Variants in SPOP observed in about 807,000 individuals in gnomAD.
The protein encoded by SPOP is speckle type BTB/POZ protein.
In SPOP, 11 loss-of-function variants were observed where a neutral mutation model predicts 45.6. The ratio of observed to expected loss-of-function variants is 0.24; its 90% CI spans 0.15 to 0.40. The LOEUF (loss-of-function observed/expected upper bound fraction) is 0.40, where lower values mean the gene tolerates loss of function less well. Ranked by LOEUF, SPOP falls within the 10% of genes least tolerant of loss-of-function variation. SPOP has a pLI of 1.00. For synonymous variants in SPOP, 166 were observed against 166.3 expected (o/e 1.00, Z 0.01); for missense variants, 152 against 465.6 (o/e 0.33, Z 6.20).
chr17:49,604,187 T>C (rs2071791391), intron 8 of SPOP, among the ~76,000 whole-genome samples: 2 of 152,214 alleles, frequency 1.3e-5, no homozygotes, highest in Admixed American at 6.5e-5. Context: ...AAGGCAGTTA[T>C]TGGATTGTGT....
At chr17:49,658,147 A>G (rs879128553) in intron 1 of SPOP, among the ~76,000 whole-genome samples, 2 of 152,210 alleles carry the variant, frequency 1.3e-5, no homozygotes, top group African/African-American at 4.8e-5. Context: ...AGAGGTCTAC[A>G]ATATGCTGAA....
At chr17:49,677,836 T>TG (rs2073223865) in intron 1 of SPOP, 97 bp downstream of exon 1, 1 of 247,930 alleles carries the variant, frequency 4.0e-6, no homozygotes, top group African/African-American at 9.4e-5. Context: ...TGGCGGGGGG[T>TG]GGGGGGACAG....
chr17:49,614,802 AGTGTGTGTGTGTGTGT>A lies in SPOP; in HGVS notation c.481-3361_481-3346del, dbSNP rs60134980. Reference sequence around the variant, plus strand: ...AAAAATACCTATTCCCATGCTATGAAGTGTGTGTGTGTGTGTGTGTGTGTGTGTGTGTGTGTGTGTG... The same window carrying A: ...AAAAATACCTATTCCCATGCTATGAAGTGTGTGTGTGTGTGTGTGTGTGTG... On this transcript the variant is annotated intron_variant, in intron 5 of 9. Coordinates refer to ENST00000504102, the MANE Select transcript of SPOP (RefSeq NM_001007228.2). Among the ~76,000 whole-genome samples the A allele has an allele frequency of 3.2e-3, 468 of 147,070 alleles. 1 individual carries two copies. Among genetic ancestry groups the A allele is most frequent in the Middle Eastern group, 6.8e-3 (2 of 292 alleles).
Position 49,635,500 on chromosome 17 carries a change from G to A in SPOP, c.-66-12624C>T, listed in dbSNP as rs148054678. On this transcript the variant is annotated intron_variant, in intron 1 of 9. Transcript: ENST00000504102. ...GTTTTCAGATGTTACACAAAATGGTGGAGAGTTTTTTTTCTGTAAGTTACC... is the reference window on the plus strand; with the variant it reads ...GTTTTCAGATGTTACACAAAATGGTAGAGAGTTTTTTTTCTGTAAGTTACC... 4.9e-3 allele frequency among the ~76,000 whole-genome samples: 741 copies of A among 152,166 alleles called. 10 individuals are homozygous for A. Among genetic ancestry groups the A allele is most frequent in the Middle Eastern group, 6.8e-3 (2 of 294 alleles).
chr17:49,644,700 A>G (rs1397124303), intron 1 of SPOP, among the ~76,000 whole-genome samples: 4 of 152,200 alleles, frequency 2.6e-5, no homozygotes, highest in Admixed American at 6.5e-5. Context: ...AAGAATGAAA[A>G]TAAGACTGCT....
At position 49,600,294 on chromosome 17, in the gene SPOP, T is replaced by C. The variant is rs1467377714; in HGVS notation, c.*84A>G. 5 of 1,564,206 alleles carry C rather than the reference T, an allele frequency of 3.2e-6. No individual in the cohort carries two copies. Among genetic ancestry groups the C allele is most frequent in the East Asian group, 2.2e-5 (1 of 44,494 alleles). The stretch of plus-strand genomic sequence containing the variant: ...CACAACAGAGTAAAAGCTCCACAGA[T>C]TGCGCTGTCTACCTGGTGGTCAGTG... On this transcript the variant is annotated 3_prime_UTR_variant, in exon 10 of 10. Coordinates refer to ENST00000504102, the MANE Select transcript of SPOP (RefSeq NM_001007228.2). The surrounding 1 kb of genome is among the most constrained non-coding windows in gnomAD (Gnocchi z 4.2).
intron 2 of SPOP, 108 bp downstream of exon 2, chr17:49,622,625 T>C (rs1351748333): frequency 1.1e-6 from 1 of 941,182 alleles, no homozygotes; most frequent in Non-Finnish European, 1.7e-6. Context: ...CTTTGGCAGT[T>C]ATGTTCCAGA....
intron 1 of SPOP, among the ~76,000 whole-genome samples, chr17:49,674,055 G>A (rs1447248100): frequency 6.6e-6 from 1 of 152,130 alleles, no homozygotes; most frequent in Non-Finnish European, 1.5e-5. Flanking sequence ...GCTGAGGCAG[G>A]AGAATAGCTT....
chr17:49,632,566 C>T (rs2072470902), intron 1 of SPOP, among the ~76,000 whole-genome samples: 1 of 151,768 alleles, frequency 6.6e-6, no homozygotes. Context: ...GGTCTCGGCT[C>T]ACTGCAACCT....
intron 1 of SPOP, among the ~76,000 whole-genome samples, chr17:49,677,319 C>T (rs190028532): frequency 6.6e-6 from 1 of 152,284 alleles, no homozygotes; most frequent in Non-Finnish European, 1.5e-5. Flanking sequence ...GTGACAGTTT[C>T]AAAAGAAGGG....
intron 1 of SPOP, among the ~76,000 whole-genome samples, chr17:49,665,916 G>A (rs578196480): frequency 7.9e-5 from 12 of 151,268 alleles, no homozygotes; most frequent in South Asian, 4.2e-4. Context: ...CCCAGGAGGC[G>A]GAGGTTGCAG....
At chr17:49,677,497 C>A (rs1470579456) in intron 1 of SPOP, among the ~76,000 whole-genome samples, 2 of 152,266 alleles carry the variant, frequency 1.3e-5, no homozygotes, top group Admixed American at 1.3e-4. Context: ...AGCCCACAGC[C>A]TGGGAAGAAG....
At chr17:49,667,507 T>C (rs1051829238) in intron 1 of SPOP, among the ~76,000 whole-genome samples, 5 of 152,076 alleles carry the variant, frequency 3.3e-5, no homozygotes, top group African/African-American at 1.2e-4. Flanking sequence ...GAGAATCGCT[T>C]GAACCTGGGA....
intron 1 of SPOP, among the ~76,000 whole-genome samples, chr17:49,632,938 T>C (rs756520032): frequency 1.1e-4 from 16 of 152,228 alleles, no homozygotes; most frequent in Non-Finnish European, 2.1e-4. Flanking sequence ...AGTGTAAATA[T>C]GTACATATGT....
chr17:49,622,783 G>A lies in SPOP; in HGVS notation c.28C>T (p.Pro10Ser), dbSNP rs752686914. 6.2e-7 allele frequency: 1 copy of A among 1,614,184 alleles called. No individual in the cohort carries two copies. The highest frequency in any genetic ancestry group is 8.5e-7 in the Non-Finnish European group (1 of 1,180,022). Reference sequence around the variant, plus strand: ...ACGGGGCCACTCGACATTTCTGCCGGAGGTGGAGGACTTGGAACCCTTGAC... The same window carrying A: ...ACGGGGCCACTCGACATTTCTGCCGAAGGTGGAGGACTTGGAACCCTTGAC... MSRVPSPPPPAEMSSGPVAE... is the reference protein window; with the variant it reads MSRVPSPPPSAEMSSGPVAE... The change falls in exon 2 of 10, where the codon CCG becomes TCG. Residue 10 changes from proline (P) to serine (S), a missense_variant. This residue lies in a region of SPOP where 18 missense variants were observed against 33.6 expected (regional missense o/e 0.54). Coordinates refer to ENST00000504102, the MANE Select transcript of SPOP (RefSeq NM_001007228.2).
chr17:49,671,936 C>T (rs2073141056), intron 1 of SPOP, among the ~76,000 whole-genome samples: 2 of 152,020 alleles, frequency 1.3e-5, no homozygotes, highest in African/African-American at 4.8e-5. Context: ...GTCAGGAGAT[C>T]GAGACCATCC....
intron 1 of SPOP, among the ~76,000 whole-genome samples, chr17:49,641,450 C>T (rs1166596717): frequency 6.6e-6 from 1 of 151,622 alleles, no homozygotes; most frequent in Non-Finnish European, 1.5e-5. Flanking sequence ...TTTGCTGCTG[C>T]ACCCAGACAG....
intron 1 of SPOP, among the ~76,000 whole-genome samples, chr17:49,657,019 A>C (rs2072921534): frequency 6.6e-6 from 1 of 151,166 alleles, no homozygotes; most frequent in Non-Finnish European, 1.5e-5. Context: ...GTCTCTACTA[A>C]AAAAAAATAC....
chr17:49,648,373 C>T (rs575242397), intron 1 of SPOP, among the ~76,000 whole-genome samples: 1 of 152,330 alleles, frequency 6.6e-6, no homozygotes, highest in Non-Finnish European at 1.5e-5. Flanking sequence ...TCCCTTATCA[C>T]TAACTTTACT....
Sources: gnomAD v4.1 joint callset for allele counts (sites outside exome capture counted in the v4.1 genomes callset) on GRCh38, gnomAD v4.1.1 for gene constraint, gnomAD v4.1.1 regional missense constraint, Gnocchi (gnomAD v3.1) non-coding constraint, MANE v1.5 for transcripts, NCBI Gene and HGNC (gene_info 2026-07-23, HGNC 2026-07-21) for gene names.